Variants in ZNF521 observed in about 807,000 individuals in gnomAD.
ZNF521 encodes the protein LYST-interacting protein 3.
ZNF521 carries 14 observed loss-of-function variants against 105.5 expected under a neutral mutation model. The ratio of observed to expected loss-of-function variants is 0.13; its 90% CI spans 0.09 to 0.21. The LOEUF is 0.21. Ranked by LOEUF, ZNF521 falls within the 10% of genes least tolerant of loss-of-function variation. The pLI is 1.00. For missense variants in ZNF521, 1,233 were observed against 1,629.7 expected, an observed-to-expected ratio of 0.76 and a Z score of 4.19; for synonymous variants, 635 against 606.0, an observed-to-expected ratio of 1.05 and a Z score of -0.70.
intron 3 of ZNF521, among the ~76,000 whole-genome samples, chr18:25,278,849 G>A (rs1203777080): frequency 6.6e-6 from 1 of 152,122 alleles, no homozygotes; most frequent in Non-Finnish European, 1.5e-5. Context: ...ATAAAGTGAT[G>A]CCATAAAACA....
chr18:25,282,112 G>C (rs904816872), intron 3 of ZNF521, among the ~76,000 whole-genome samples: 2 of 152,014 alleles, frequency 1.3e-5, no homozygotes, highest in African/African-American at 4.8e-5. Flanking sequence ...GAATCCAAGG[G>C]TTCCAAAAAA....
intron 4 of ZNF521, among the ~76,000 whole-genome samples, chr18:25,220,742 G>C (rs1905665314): frequency 6.6e-6 from 1 of 152,152 alleles, no homozygotes; most frequent in Non-Finnish European, 1.5e-5. Context: ...GTAAATAGTT[G>C]CTCAGGGAAA....
intron 5 of ZNF521, among the ~76,000 whole-genome samples, chr18:25,093,586 T>TG (rs2033793885): frequency 6.6e-6 from 1 of 152,218 alleles, no homozygotes; most frequent in Non-Finnish European, 1.5e-5. Context: ...TTCCTAATCT[T>TG]TCTTCCCATA....
intron 2 of ZNF521, among the ~76,000 whole-genome samples, chr18:25,334,094 A>G (rs1446294985): frequency 6.6e-6 from 1 of 152,212 alleles, no homozygotes; most frequent in East Asian, 1.9e-4. Context: ...CACCACTAAA[A>G]TATCTCCCAG....
intron 2 of ZNF521, among the ~76,000 whole-genome samples, chr18:25,333,045 G>A (rs576264874): frequency 3.1e-4 from 47 of 151,820 alleles, no homozygotes; most frequent in African/African-American, 9.7e-4. Flanking sequence ...TGTATATAAT[G>A]TAGCATATAC....
intron 3 of ZNF521, among the ~76,000 whole-genome samples, chr18:25,263,514 C>T (rs576209167): frequency 8.2e-4 from 125 of 152,082 alleles, no homozygotes; most frequent in East Asian, 6.0e-3. Context: ...CTTGCCACCA[C>T]GCCCAGCTAA....
Position 25,308,656 on chromosome 18 carries a change from C to G in ZNF521, c.220+13352G>C, listed in dbSNP as rs575477341. ...AAGTTGGCCTTAATGACATCCCCCC[C>G]CCCCCACCCGCCACAGCCCCTCCAA... On this transcript the variant is annotated intron_variant, in intron 3 of 7. Coordinates refer to ENST00000361524, the MANE Select transcript of ZNF521 (RefSeq NM_015461.3). Among the ~76,000 whole-genome samples, 574 of 145,986 alleles carry G rather than the reference C, an allele frequency of 3.9e-3. 6 individuals carry two copies. The highest frequency in any genetic ancestry group is 6.2e-3 in the Non-Finnish European group (403 of 65,290).
intron 3 of ZNF521, among the ~76,000 whole-genome samples, chr18:25,280,777 T>C (rs1301340460): frequency 3.5e-4 from 54 of 152,196 alleles, no homozygotes; most frequent in Admixed American, 3.4e-3. Context: ...TATTGTCCCA[T>C]TGAGAAGAAC....
intron 5 of ZNF521, among the ~76,000 whole-genome samples, chr18:25,146,901 T>C (rs1331908926): frequency 1.3e-5 from 2 of 152,152 alleles, no homozygotes; most frequent in African/African-American, 2.4e-5. Context: ...TGCTCCTTGA[T>C]AGCAGGAGTC....
chr18:25,120,626 C>CA (rs1202871922), intron 5 of ZNF521, among the ~76,000 whole-genome samples: 1 of 142,158 alleles, frequency 7.0e-6, no homozygotes, highest in Non-Finnish European at 1.5e-5. Flanking sequence ...AACAAACAAA[C>CA]AAAAAAACCT....
At chr18:25,090,376 C>T (rs532099397) in intron 6 of ZNF521, among the ~76,000 whole-genome samples, 1 of 152,266 alleles carries the variant, frequency 6.6e-6, no homozygotes, top group East Asian at 1.9e-4. Flanking sequence ...TTTGACTCCA[C>T]TCTAATCATT....
intron 5 of ZNF521, among the ~76,000 whole-genome samples, chr18:25,117,052 T>TACAC (rs1278664215): frequency 1.6e-3 from 54 of 33,898 alleles, no homozygotes; most frequent in Middle Eastern, 0.024. Flanking sequence ...CACACATATA[T>TACAC]ATACACACAC....
chr18:25,137,070 T>C (rs568761955), intron 5 of ZNF521, among the ~76,000 whole-genome samples: 38 of 152,302 alleles, frequency 2.5e-4, no homozygotes, highest in African/African-American at 8.9e-4. Context: ...CAAATCCGAT[T>C]ACGTCTATAA....
At chr18:25,347,939 C>G (rs1230975274) in intron 2 of ZNF521, among the ~76,000 whole-genome samples, 1 of 152,160 alleles carries the variant, frequency 6.6e-6, no homozygotes, top group Non-Finnish European at 1.5e-5. Flanking sequence ...AAATTCAGTG[C>G]AGAACTTCAT....
At chr18:25,220,345 TG>T (rs1414984565) in intron 4 of ZNF521, among the ~76,000 whole-genome samples, 2 of 152,138 alleles carry the variant, frequency 1.3e-5, no homozygotes, top group Non-Finnish European at 2.9e-5. Context: ...CAGAAGATCC[TG>T]GGCAATGGGT....
At chr18:25,240,777 G>A (rs1322639188) in intron 3 of ZNF521, among the ~76,000 whole-genome samples, 1 of 151,850 alleles carries the variant, frequency 6.6e-6, no homozygotes, top group Non-Finnish European at 1.5e-5. Context: ...GGTACAGGCT[G>A]GGTTCACAAC....
At chr18:25,134,016 T>C (rs1187141606) in intron 5 of ZNF521, among the ~76,000 whole-genome samples, 1 of 152,148 alleles carries the variant, frequency 6.6e-6, no homozygotes, top group Non-Finnish European at 1.5e-5. Context: ...TAATGACATT[T>C]AATCAGGAAT....
chr18:25,106,242 G>C (rs754204982), intron 5 of ZNF521, among the ~76,000 whole-genome samples: 1 of 152,002 alleles, frequency 6.6e-6, no homozygotes, highest in Non-Finnish European at 1.5e-5. Flanking sequence ...AATGGTACCC[G>C]TTACAAGGTT....
chr18:25,223,392 G>A (rs1369319027), intron 4 of ZNF521, among the ~76,000 whole-genome samples: 1 of 152,170 alleles, frequency 6.6e-6, no homozygotes, highest in Admixed American at 6.5e-5. Context: ...GGAGCCACAG[G>A]GGGGCCTCCG....
Sources: allele counts gnomAD v4.1 joint callset (sites outside exome capture counted in the v4.1 genomes callset), GRCh38; gene constraint gnomAD v4.1.1; transcripts MANE v1.5; gene names NCBI Gene and HGNC (gene_info 2026-07-23, HGNC 2026-07-21).